The following ZNF618 variants were observed in gnomAD, a reference collection of about 807,000 sequenced individuals.
ZNF618 encodes the protein zinc finger protein 618, also known as neural precursor cell expressed, developmentally down-regulated 10.
ZNF618 carries 34 observed loss-of-function variants against 103.0 expected under a neutral mutation model. The observed-to-expected ratio is 0.33, with a 90% CI of 0.25 to 0.44. The LOEUF (loss-of-function observed/expected upper bound fraction) is 0.44. ZNF618 is among the 20% of genes least tolerant of loss of function. The pLI is 1.00. For missense variants in ZNF618, 1,059 were observed against 1,295.4 expected (o/e 0.82, Z 2.80); for synonymous variants, 551 against 542.2 (o/e 1.02, Z -0.23).
rs1418618003 is a variant in ZNF618 at position 114,049,818 on chromosome 9, C to G, written c.2516C>G (p.Ser839Cys). 2 of 1,613,872 alleles carry G rather than the reference C, an allele frequency of 1.2e-6. No homozygotes were observed. The highest frequency in any genetic ancestry group is 2.7e-5 in the African/African-American group (2 of 74,954). Residue 839 changes from serine to cysteine, a missense_variant, in exon 15 of 15, where the codon TCC becomes TGC. By Grantham distance (112) the Ser-to-Cys change is moderately radical (BLOSUM62 -1). Coordinates refer to ENST00000374126, the MANE Select transcript of ZNF618 (RefSeq NM_001318042.2). ...GAGCTCATCAACGAGGTGAAGGAGT[C>G]CTGGGCCGAGGAGGCCGACTTCGAG... ...VCELINEVKE[S>C]WAEEADFEPA...
chr9:113,907,686 A>G (rs1248662821), intron 1 of ZNF618, among the ~76,000 whole-genome samples: 1 of 152,146 alleles, frequency 6.6e-6, no homozygotes, highest in Non-Finnish European at 1.5e-5. Context: ...GGCCACCTGT[A>G]GACTGGTGTT....
chr9:113,919,084 T>C (rs1344180363), intron 1 of ZNF618, among the ~76,000 whole-genome samples: 1 of 152,140 alleles, frequency 6.6e-6, no homozygotes, highest in Admixed American at 6.5e-5. Context: ...TTTCAGCTTG[T>C]TTTCAGTTTT....
chr9:114,048,800 G>C lies in ZNF618; in HGVS notation c.1498G>C (p.Val500Leu). ...KEFLKLAQTLVDSGARYGAFS... is the reference protein window; with the variant it reads ...KEFLKLAQTLLDSGARYGAFS... ...GTTCCTGAAGTTGGCCCAGACCTTA[G>C]TAGACAGTGGTGCCCGCTATGGGGC... Residue 500 changes from valine to leucine, a missense_variant, in exon 15 of 15, where the codon GTA becomes CTA. Around this residue, in one of 6 missense-constraint regions of ZNF618, gnomAD observed 434 missense variants for 476.0 expected, o/e 0.91. Coordinates refer to ENST00000374126, the MANE Select transcript of ZNF618 (RefSeq NM_001318042.2). 1.9e-6 allele frequency: 3 copies of C among 1,613,952 alleles called. No homozygotes were observed. The highest frequency in any genetic ancestry group is 1.7e-6 in the Non-Finnish European group (2 of 1,179,856).
At chr9:114,030,469 G>A (rs1384882043) in intron 11 of ZNF618, among the ~76,000 whole-genome samples, 1 of 152,140 alleles carries the variant, frequency 6.6e-6, no homozygotes, top group Non-Finnish European at 1.5e-5. Flanking sequence ...TTATGCCTGC[G>A]GTTTCTGCAG....
intron 1 of ZNF618, among the ~76,000 whole-genome samples, chr9:113,931,996 C>T (rs146102185): frequency 6.5e-4 from 99 of 152,218 alleles, no homozygotes; most frequent in African/African-American, 2.2e-3. Flanking sequence ...ATTTATAGAT[C>T]GTCTGCTGTG....
At position 114,036,290 on chromosome 9, in the gene ZNF618, C is replaced by T; in HGVS notation, c.1169-10C>T. 3 of 1,564,366 alleles carry T rather than the reference C, an allele frequency of 1.9e-6. No homozygotes were observed. Among genetic ancestry groups the T allele is most frequent in the Non-Finnish European group, 1.7e-6 (2 of 1,153,858 alleles). On this transcript the variant is annotated splice_polypyrimidine_tract_variant and intron_variant, in intron 12 of 14. Transcript: ENST00000374126. ...CACCCCTCACGTGGCTGCCGCATTT[C>T]TCCCTCCAGAACCCTACACCTGCGG...
At chr9:114,023,576 C>T (rs906215223) in intron 10 of ZNF618, among the ~76,000 whole-genome samples, 11 of 152,104 alleles carry the variant, frequency 7.2e-5, no homozygotes, top group Non-Finnish European at 1.5e-4. Flanking sequence ...TTCTTTCCTT[C>T]GTATACATCT....
At chr9:114,040,312 G>A (rs1053179381) in intron 13 of ZNF618, among the ~76,000 whole-genome samples, 1 of 151,572 alleles carries the variant, frequency 6.6e-6, no homozygotes, top group East Asian at 1.9e-4. Flanking sequence ...AGTAGAGAAA[G>A]TAAGAAAGGC....
Position 114,041,259 on chromosome 9 carries a change from T to A in ZNF618, c.1246+4882T>A, listed in dbSNP as rs1430092356. Among the ~76,000 whole-genome samples, 14 of 152,212 alleles carry A rather than the reference T, an allele frequency of 9.2e-5. No homozygotes were observed. In the East Asian group the frequency reaches 2.5e-3, roughly 27 times the overall value. ...CGTCAGATGAGTAGATTGCAAAAAT[T>A]TTCTCCCATTCTGTAGGTTGCCTAT... On this transcript the variant is annotated intron_variant, in intron 13 of 14. Transcript: ENST00000374126.
chr9:114,039,553 G>A (rs113471749), intron 13 of ZNF618, among the ~76,000 whole-genome samples: 4 of 152,126 alleles, frequency 2.6e-5, no homozygotes, highest in East Asian at 1.9e-4. Context: ...GTTTCACCAC[G>A]TTGGCCAGGC....
chr9:113,889,653 A>T (rs906443634), intron 1 of ZNF618, among the ~76,000 whole-genome samples: 2 of 152,182 alleles, frequency 1.3e-5, no homozygotes, highest in African/African-American at 4.8e-5. Flanking sequence ...TGATGTGGCC[A>T]TCTTTGGAAA....
In ZNF618 at chr9:114,050,507, G is replaced by A. The variant is rs1016250485; in HGVS notation, c.*340G>A. 4 of 196,430 alleles carry A rather than the reference G, an allele frequency of 2.0e-5. No individual in the cohort carries two copies. Among genetic ancestry groups the A allele is most frequent in the Non-Finnish European group, 3.1e-5 (3 of 97,798 alleles). 12.2% of individuals were successfully genotyped at this position (196,430 alleles called of 1,614,324 possible). The stretch of plus-strand genomic sequence containing the variant: ...GGTGCGTGTACATACGCCTGTGCTT[G>A]GACGGGTGTGCATTGAACTGGGCGT... On this transcript the variant is annotated 3_prime_UTR_variant, in exon 15 of 15. Coordinates refer to ENST00000374126, the MANE Select transcript of ZNF618 (RefSeq NM_001318042.2).
At chr9:113,934,906 A>G (rs756959903) in intron 1 of ZNF618, among the ~76,000 whole-genome samples, 1 of 152,154 alleles carries the variant, frequency 6.6e-6, no homozygotes, top group Non-Finnish European at 1.5e-5. Context: ...TTCTAAGCTC[A>G]TTTGCTACAG....
At chr9:113,944,967 A>G (rs1834880815) in intron 1 of ZNF618, among the ~76,000 whole-genome samples, 1 of 152,208 alleles carries the variant, frequency 6.6e-6, no homozygotes, top group Non-Finnish European at 1.5e-5. Flanking sequence ...TTCCGCAGAT[A>G]TGAAGCAGTG....
intron 1 of ZNF618, among the ~76,000 whole-genome samples, chr9:113,898,019 C>G (rs144026308): frequency 0.015 from 2,287 of 152,290 alleles, 47 homozygotes; most frequent in African/African-American, 0.053. Flanking sequence ...TCTTGAACTC[C>G]TGACCTCAGA....
rs368619843 is a variant in ZNF618, at chr9:113,988,501, G to A, written c.258G>A (p.Ala86=). The part of the protein sequence containing the change: ...WQGEAKEEKK[A]VSKDGTSDVP... ...GCGAGGCCAAGGAGGAGAAGAAGGC[G>A]GTCAGCAAGGATGGGACCAGCGACG... The change falls in exon 3 of 15, where the codon GCG becomes GCA. Residue 86 remains alanine, a synonymous_variant. Transcript: ENST00000374126. 6.8e-6 allele frequency: 11 copies of A among 1,613,248 alleles called. No individual in the cohort carries two copies. Among genetic ancestry groups the A allele is most frequent in the East Asian group, 4.5e-5 (2 of 44,878 alleles).
At chr9:114,039,075 A>G (rs1472595083) in intron 13 of ZNF618, among the ~76,000 whole-genome samples, 4 of 152,148 alleles carry the variant, frequency 2.6e-5, no homozygotes, top group Admixed American at 1.3e-4. Flanking sequence ...CAGGCTATAG[A>G]TAGGATTCCA....
At chr9:113,898,317 G>A (rs751152171) in intron 1 of ZNF618, among the ~76,000 whole-genome samples, 5 of 151,672 alleles carry the variant, frequency 3.3e-5, no homozygotes, top group Non-Finnish European at 5.9e-5. Context: ...TGTTTCCTTC[G>A]CCCTCCCCCT....
chr9:113,902,494 A>G (rs1409123306), intron 1 of ZNF618, among the ~76,000 whole-genome samples: 1 of 152,116 alleles, frequency 6.6e-6, no homozygotes, highest in Non-Finnish European at 1.5e-5. Context: ...CCTACCTCCA[A>G]GCCGCTTATT....
Sources: gnomAD v4.1 joint callset for allele counts (sites outside exome capture counted in the v4.1 genomes callset) on GRCh38, gnomAD v4.1.1 for gene constraint, gnomAD v4.1.1 regional missense constraint, MANE v1.5 for transcripts, NCBI Gene and HGNC (gene_info 2026-07-23, HGNC 2026-07-21) for gene names.